Variants in KPNA3 observed in about 807,000 individuals in gnomAD.
KPNA3 encodes the protein importin subunit alpha-4.
KPNA3 carries 13 observed loss-of-function variants against 73.8 expected under a neutral mutation model. The observed-to-expected ratio is 0.18, with a 90% CI of 0.11 to 0.28. KPNA3 has a LOEUF of 0.28. KPNA3 is among the 10% of genes least tolerant of loss of function. KPNA3 has a pLI of 1.00. For synonymous variants in KPNA3, 186 were observed against 206.9 expected (o/e 0.90, Z 0.87); for missense variants, 360 against 618.1 (o/e 0.58, Z 4.43).
At chr13:49,748,757 T>C (rs7993565) in intron 1 of KPNA3, among the ~76,000 whole-genome samples, 6,735 of 152,206 alleles carry the variant, frequency 0.044, 475 homozygotes, top group African/African-American at 0.15. Flanking sequence ...CTATTATCCC[T>C]GATAAGGTTC....
rs148668766 is a variant in KPNA3 at position 49,716,315 on chromosome 13, A to G, written c.771+3460T>C. Among the ~76,000 whole-genome samples the G allele has an allele frequency of 6.4e-4, 97 of 152,350 alleles. 2 individuals are homozygous for G. In the East Asian group the frequency reaches 0.017, roughly 27 times the overall value. On this transcript the variant is annotated intron_variant, in intron 10 of 16. Coordinates refer to ENST00000261667, the MANE Select transcript of KPNA3 (RefSeq NM_002267.4). ...CCATTTATTCTCTGGCTCCTTATCT[A>G]CTACATAAAAAGGGTATGTAGTTCT...
At chr13:49,713,392 CA>C (rs1157183468) in intron 10 of KPNA3, among the ~76,000 whole-genome samples, 4 of 148,890 alleles carry the variant, frequency 2.7e-5, no homozygotes, top group Non-Finnish European at 5.9e-5. Context: ...GTCAAATAGG[CA>C]AAAAATAAAG....
At chr13:49,774,729 A>G (rs1231545772) in intron 1 of KPNA3, among the ~76,000 whole-genome samples, 1 of 152,246 alleles carries the variant, frequency 6.6e-6, no homozygotes, top group Non-Finnish European at 1.5e-5. Flanking sequence ...TCACATTCAC[A>G]AATACAAAAA....
intron 2 of KPNA3, among the ~76,000 whole-genome samples, chr13:49,746,403 G>C (rs947454138): frequency 1.3e-5 from 2 of 152,094 alleles, no homozygotes; most frequent in Admixed American, 1.3e-4. Context: ...ACTTGAGCCC[G>C]GGAGGTCAAG....
At position 49,715,362 on chromosome 13, in the gene KPNA3, G is replaced by T. The variant is rs539576861; in HGVS notation, c.772-4340C>A. Among the ~76,000 whole-genome samples the T allele has an allele frequency of 5.1e-4, 77 of 152,218 alleles. 1 individual carries two copies. Among genetic ancestry groups the T allele is most frequent in the South Asian group, 4.1e-3 (20 of 4,826 alleles). ...AACAGACATTAAATATGACTAGTCT[G>T]TTCGCAAAGATACAAATTAAAATGG... On this transcript the variant is annotated intron_variant, in intron 10 of 16. Transcript: ENST00000261667.
At chr13:49,776,964 G>C (rs1002765962) in intron 1 of KPNA3, among the ~76,000 whole-genome samples, 1 of 152,156 alleles carries the variant, frequency 6.6e-6, no homozygotes, top group African/African-American at 2.4e-5. Flanking sequence ...GGTTAACACT[G>C]TATAAAAGCT....
chr13:49,791,860 C>G (rs1253867293), intron 1 of KPNA3, among the ~76,000 whole-genome samples: 1 of 152,248 alleles, frequency 6.6e-6, no homozygotes, highest in African/African-American at 2.4e-5. Flanking sequence ...CCTGGCGCAT[C>G]CTACCCTCCC....
intron 12 of KPNA3, among the ~76,000 whole-genome samples, chr13:49,708,587 C>G (rs1359739972): frequency 6.6e-6 from 1 of 152,132 alleles, no homozygotes; most frequent in Non-Finnish European, 1.5e-5. Flanking sequence ...ATGTTCACTG[C>G]AGCATTCTTC....
chr13:49,762,307 C>T (rs150325425), intron 1 of KPNA3, among the ~76,000 whole-genome samples: 16,460 of 152,048 alleles, frequency 0.11, 969 homozygotes, highest in African/African-American at 0.15. Flanking sequence ...TCTGCCCAGC[C>T]GCCCCTGCTG....
At chr13:49,704,474 TAAATAAATAGAA>T (rs1373036678) in intron 15 of KPNA3, among the ~76,000 whole-genome samples, 83 of 98,392 alleles carry the variant, frequency 8.4e-4, no homozygotes, top group African/African-American at 2.9e-3. Context: ...AATAAATAAA[TAAATAAATAGAA>T]AGAAAGAAAT....
chr13:49,750,860 C>T (rs1334411141), intron 1 of KPNA3, among the ~76,000 whole-genome samples: 7 of 152,056 alleles, frequency 4.6e-5, no homozygotes, highest in Non-Finnish European at 8.8e-5. Flanking sequence ...GGCATGGTGG[C>T]GCACGCCTGT....
intron 1 of KPNA3, among the ~76,000 whole-genome samples, chr13:49,757,969 C>T (rs1272123648): frequency 1.3e-5 from 2 of 152,034 alleles, no homozygotes; most frequent in East Asian, 3.8e-4. Context: ...AACTGCATGT[C>T]AATCTACAAT....
In KPNA3 at chr13:49,732,890, A is replaced by T. The variant is rs1954483243; in HGVS notation, c.204+67T>A. 4 of 1,354,998 alleles carry T rather than the reference A, an allele frequency of 3.0e-6. No individual in the cohort carries two copies. In the Admixed American group the frequency reaches 7.8e-5, roughly 27 times the overall value. 83.9% of individuals were successfully genotyped at this position (1,354,998 alleles called of 1,614,324 possible). A position where few individuals can be genotyped will look rare whatever the true frequency, so the allele number is the denominator to read the frequency against. Reference sequence around the variant, plus strand: ...ATCATTATAAAGTTGGTCTTATATTAAAAATGAAGTTCTCACAGTTACTAT... The same window carrying T: ...ATCATTATAAAGTTGGTCTTATATTTAAAATGAAGTTCTCACAGTTACTAT... On this transcript the variant is annotated intron_variant, in intron 3 of 16. Transcript: ENST00000261667.
chr13:49,726,880 G>T (rs1458981447), intron 6 of KPNA3, among the ~76,000 whole-genome samples: 1 of 152,098 alleles, frequency 6.6e-6, no homozygotes, highest in East Asian at 1.9e-4. Flanking sequence ...TTGAGCCTAG[G>T]AGTTTGAGGA....
intron 1 of KPNA3, among the ~76,000 whole-genome samples, chr13:49,776,671 A>ATTT (rs1413435297): frequency 6.6e-6 from 1 of 152,210 alleles, no homozygotes; most frequent in African/African-American, 2.4e-5. Context: ...TAGTACACAA[A>ATTT]TTAAGTTATA....
intron 12 of KPNA3, among the ~76,000 whole-genome samples, chr13:49,708,272 G>A (rs1299262556): frequency 1.3e-5 from 2 of 152,266 alleles, no homozygotes; most frequent in East Asian, 1.9e-4. Context: ...TGGGATTACA[G>A]GCATGAGCCA....
chr13:49,787,944 T>C (rs1275870204), intron 1 of KPNA3, among the ~76,000 whole-genome samples: 1 of 152,126 alleles, frequency 6.6e-6, no homozygotes, highest in Non-Finnish European at 1.5e-5. Context: ...CCTCCCAAAG[T>C]GCTGGGATTA....
chr13:49,708,970 G>A (rs2137533866), intron 12 of KPNA3, among the ~76,000 whole-genome samples: 1 of 152,166 alleles, frequency 6.6e-6, no homozygotes, highest in African/African-American at 2.4e-5. Context: ...CATTCAAATG[G>A]CAGATTTTGT....
intron 7 of KPNA3, among the ~76,000 whole-genome samples, chr13:49,723,366 T>C (rs905091049): frequency 2.0e-5 from 3 of 152,022 alleles, no homozygotes; most frequent in African/African-American, 7.2e-5. Context: ...GGTCAGGAGT[T>C]CAAGACCAGC....
Sources: allele counts gnomAD v4.1 joint callset (sites outside exome capture counted in the v4.1 genomes callset), GRCh38; gene constraint gnomAD v4.1.1; transcripts MANE v1.5; gene names NCBI Gene and HGNC (gene_info 2026-07-23, HGNC 2026-07-21).